The following CUX2 variants were observed in gnomAD, a reference collection of about 807,000 sequenced individuals.
CUX2 encodes cut like homeobox 2.
In CUX2, 40 loss-of-function variants were observed where a neutral mutation model predicts 144.8. The observed-to-expected ratio is 0.28, with a 90% CI of 0.21 to 0.36. The LOEUF (loss-of-function observed/expected upper bound fraction) is 0.36. Among genes scored for constraint, CUX2 ranks in the 10% least tolerant of loss-of-function variants. The pLI is 1.00. For synonymous variants in CUX2, 827 were observed against 875.6 expected (o/e 0.94, Z 0.98); for missense variants, 1,615 against 1,994.0 (o/e 0.81, Z 3.62).
chr12:111,218,503 G>A (rs530289782), intron 3 of CUX2, among the ~76,000 whole-genome samples: 4 of 152,134 alleles, frequency 2.6e-5, no homozygotes, highest in Admixed American at 6.5e-5. Flanking sequence ...GTGACAGAGC[G>A]AGACCCTGTC....
At chr12:111,273,677 C>A (rs1230796776) in intron 4 of CUX2, among the ~76,000 whole-genome samples, 1 of 152,150 alleles carries the variant, frequency 6.6e-6, no homozygotes, top group Admixed American at 6.5e-5. Flanking sequence ...AGTCACACAG[C>A]TCCCAACCTG....
Position 111,059,233 on chromosome 12 carries a change from C to T in CUX2, c.63+24993C>T, listed in dbSNP as rs532296626. Reference sequence around the variant, plus strand: ...CCACACTGGTCAGCTGGAGGGGGCCCCTCTTTGCAGGGCTTCTCGGGGAGG... The same window carrying T: ...CCACACTGGTCAGCTGGAGGGGGCCTCTCTTTGCAGGGCTTCTCGGGGAGG... On this transcript the variant is annotated intron_variant, in intron 1 of 21. Coordinates refer to ENST00000261726, the MANE Select transcript of CUX2 (RefSeq NM_015267.4). This position sits in a 1 kb window ranked among gnomAD's most constrained non-coding sequence, Gnocchi z 5.3. Among the ~76,000 whole-genome samples, 351 of 152,310 alleles carry T rather than the reference C, an allele frequency of 2.3e-3. No homozygotes were observed. Among genetic ancestry groups the T allele is most frequent in the Middle Eastern group, 0.01 (3 of 294 alleles).
chr12:111,276,224 G>T (rs1008597931), intron 4 of CUX2, among the ~76,000 whole-genome samples: 1 of 152,014 alleles, frequency 6.6e-6, no homozygotes, highest in Non-Finnish European at 1.5e-5. Context: ...ATGGTGACGC[G>T]TGCCTGTAGT....
At chr12:111,188,560 A>T (rs909024977) in intron 1 of CUX2, among the ~76,000 whole-genome samples, 1 of 152,190 alleles carries the variant, frequency 6.6e-6, no homozygotes, top group African/African-American at 2.4e-5. Flanking sequence ...AGGTCCAGGC[A>T]TGGGAACAGC....
chr12:111,335,010 G>A (rs980090639), intron 19 of CUX2, among the ~76,000 whole-genome samples: 7 of 152,196 alleles, frequency 4.6e-5, no homozygotes, highest in South Asian at 2.1e-4. Context: ...CAGGAGAATC[G>A]CGTGAGCCCA....
At chr12:111,276,834 G>GA (rs1411102752) in intron 4 of CUX2, among the ~76,000 whole-genome samples, 1 of 152,102 alleles carries the variant, frequency 6.6e-6, no homozygotes, top group African/African-American at 2.4e-5. Flanking sequence ...TTTTAGTAGA[G>GA]ACGGGGTGTC....
At chr12:111,084,493 C>CTT (rs537311380) in intron 1 of CUX2, among the ~76,000 whole-genome samples, 7 of 142,370 alleles carry the variant, frequency 4.9e-5, no homozygotes, top group East Asian at 2.0e-4. Context: ...TAAACAGAAT[C>CTT]TTTTTTTTTT....
intron 1 of CUX2, among the ~76,000 whole-genome samples, chr12:111,074,795 T>C (rs2136034587): frequency 6.6e-6 from 1 of 152,120 alleles, no homozygotes; most frequent in Middle Eastern, 3.4e-3. Flanking sequence ...TGGGAGGACC[T>C]GGCTGGACCT....
chr12:111,310,785 AC>A lies in CUX2; in HGVS notation c.1900+105del. The A allele has an allele frequency of 7.5e-7, 1 of 1,326,630 alleles. No individual in the cohort carries two copies. Among genetic ancestry groups the A allele is most frequent in the Non-Finnish European group, 1.0e-6 (1 of 992,366 alleles). The allele number at this position is 1,326,630 out of a possible 1,614,324, so 82.2% of individuals were successfully genotyped here. On this transcript the variant is annotated intron_variant, in intron 15 of 21. Coordinates refer to ENST00000261726, the MANE Select transcript of CUX2 (RefSeq NM_015267.4). This position sits in a 1 kb window ranked among gnomAD's most constrained non-coding sequence, Gnocchi z 7.9. ...CGCTCTGGGTTCAAAGCCCAGCTCT[AC>A]CACCACCTGGCTGTGTGACCCAGGG...
chr12:111,058,565 GAGAC>G (rs1282056678), intron 1 of CUX2, among the ~76,000 whole-genome samples: 2 of 152,096 alleles, frequency 1.3e-5, no homozygotes, highest in Non-Finnish European at 2.9e-5. Flanking sequence ...GAGAGAGAGA[GAGAC>G]AGACAGACAG....
intron 1 of CUX2, among the ~76,000 whole-genome samples, chr12:111,043,971 G>A (rs920590972): frequency 3.3e-5 from 5 of 152,146 alleles, no homozygotes; most frequent in African/African-American, 1.2e-4. Context: ...CCCAGCCAGG[G>A]GCAGAGTGCA....
chr12:111,227,646 C>T (rs1425140705), intron 3 of CUX2, among the ~76,000 whole-genome samples: 2 of 152,132 alleles, frequency 1.3e-5, no homozygotes, highest in Admixed American at 6.5e-5. Context: ...CTGGCTTTCT[C>T]CTATATTTTC....
In CUX2 at chr12:111,214,451, A is replaced by G. The variant is rs542001279; in HGVS notation, c.174+141A>G. 629 of 561,194 alleles carry G rather than the reference A, an allele frequency of 1.1e-3. 6 individuals carry two copies. Among genetic ancestry groups the G allele is most frequent in the South Asian group, 2.6e-3 (108 of 40,818 alleles). 34.8% of individuals were successfully genotyped at this position (561,194 alleles called of 1,614,324 possible). A position where few individuals can be genotyped will look rare whatever the true frequency, so the allele number is the denominator to read the frequency against. On this transcript the variant is annotated intron_variant, in intron 2 of 21. Transcript: ENST00000261726. Reference sequence around the variant, plus strand: ...GCCACAAAGAAAAATGACAGCCCCTAACCTTTCGGGGTTTCTTGGCCTAGT... The same window carrying G: ...GCCACAAAGAAAAATGACAGCCCCTGACCTTTCGGGGTTTCTTGGCCTAGT...
intron 1 of CUX2, among the ~76,000 whole-genome samples, chr12:111,158,109 C>T (rs553032506): frequency 5.9e-4 from 89 of 152,080 alleles, no homozygotes; most frequent in African/African-American, 2.0e-3. Flanking sequence ...AGGAGGCCAA[C>T]GATGGAACGG....
intron 1 of CUX2, among the ~76,000 whole-genome samples, chr12:111,181,023 T>G (rs1199117307): frequency 6.6e-6 from 1 of 152,246 alleles, no homozygotes; most frequent in East Asian, 1.9e-4. Flanking sequence ...TATTATCGAC[T>G]GCGCCGGAAT....
At chr12:111,140,215 C>A (rs1362213252) in intron 1 of CUX2, among the ~76,000 whole-genome samples, 1 of 152,146 alleles carries the variant, frequency 6.6e-6, no homozygotes, top group Non-Finnish European at 1.5e-5. Flanking sequence ...GAGCTGGAAA[C>A]CCATTTAACA....
At chr12:111,194,168 CTG>C (rs1158909153) in intron 1 of CUX2, among the ~76,000 whole-genome samples, 1 of 152,196 alleles carries the variant, frequency 6.6e-6, no homozygotes, top group Non-Finnish European at 1.5e-5. Context: ...GCCCCCTCAG[CTG>C]TGTGACCTTA....
At chr12:111,165,505 A>G (rs1294730018) in intron 1 of CUX2, among the ~76,000 whole-genome samples, 1 of 152,236 alleles carries the variant, frequency 6.6e-6, no homozygotes, top group Non-Finnish European at 1.5e-5. Context: ...CCACGTGCAG[A>G]GAACATGAAC....
chr12:111,342,783 AC>A (rs1191898706), intron 21 of CUX2, among the ~76,000 whole-genome samples: 1 of 151,796 alleles, frequency 6.6e-6, no homozygotes, highest in Non-Finnish European at 1.5e-5. Flanking sequence ...ACATAATGAA[AC>A]CCCATTTCTT....
Sources: allele counts gnomAD v4.1 joint callset (sites outside exome capture counted in the v4.1 genomes callset), GRCh38; gene constraint gnomAD v4.1.1; non-coding constraint Gnocchi (gnomAD v3.1); transcripts MANE v1.5; gene names NCBI Gene and HGNC (gene_info 2026-07-23, HGNC 2026-07-21).